The following ANKDD1B variants were observed in gnomAD, a reference collection of about 807,000 sequenced individuals.
ANKDD1B encodes ankyrin repeat and death domain-containing protein 1B.
In ANKDD1B, 57 loss-of-function variants were observed where a neutral mutation model predicts 59.7. The ratio of observed to expected loss-of-function variants is 0.95; its 90% CI spans 0.77 to 1.19. The LOEUF is 1.19. Among genes scored for constraint, ANKDD1B ranks in the 50% most tolerant of loss-of-function variants. The pLI is 0.00. For synonymous variants in ANKDD1B, 216 were observed against 239.5 expected (o/e 0.90, Z 0.91); for missense variants, 602 against 641.9 (o/e 0.94, Z 0.67).
At chr5:75,665,185 A>C (rs1006968770) in intron 11 of ANKDD1B, among the ~76,000 whole-genome samples, 3 of 152,194 alleles carry the variant, frequency 2.0e-5, no homozygotes, top group African/African-American at 7.2e-5. Flanking sequence ...CAAATAGTTC[A>C]GTGTTTTGGC....
intron 11 of ANKDD1B, 27 bp from the exon 12 acceptor site, chr5:75,666,765 C>T: frequency 1.4e-6 from 2 of 1,475,396 alleles, no homozygotes; most frequent in African/African-American, 1.4e-5. Flanking sequence ...TGTCTGAAAT[C>T]TTCTGATACA....
chr5:75,642,180 A>C (rs1320697351), intron 7 of ANKDD1B, among the ~76,000 whole-genome samples: 1 of 152,206 alleles, frequency 6.6e-6, no homozygotes, highest in Admixed American at 6.5e-5. Flanking sequence ...TTCCCACTGA[A>C]GTTGCAAGGT....
At chr5:75,617,041 C>G in intron 2 of ANKDD1B, 134 bp downstream of exon 2, 2 of 504,108 alleles carry the variant, frequency 4.0e-6, no homozygotes, top group South Asian at 6.8e-5. Flanking sequence ...TGTTGGTAAT[C>G]CCGGGGTGTT....
intron 5 of ANKDD1B, among the ~76,000 whole-genome samples, chr5:75,626,787 T>C (rs1774007025): frequency 1.3e-5 from 2 of 148,780 alleles, no homozygotes; most frequent in Non-Finnish European, 3.0e-5. Flanking sequence ...GCCTTGTTTT[T>C]TTTTTTTGTT....
intron 9 of ANKDD1B, among the ~76,000 whole-genome samples, chr5:75,658,064 AG>A (rs976289276): frequency 2.4e-4 from 37 of 151,594 alleles, no homozygotes; most frequent in African/African-American, 8.7e-4. Context: ...AAAAAAAATT[AG>A]TAGAGCCTGT....
At chr5:75,664,400 A>G (rs1265167328) in intron 11 of ANKDD1B, among the ~76,000 whole-genome samples, 1 of 152,214 alleles carries the variant, frequency 6.6e-6, no homozygotes, top group African/African-American at 2.4e-5. Flanking sequence ...TGCCTGTAAA[A>G]CAAAACAAAA....
intron 1 of ANKDD1B, among the ~76,000 whole-genome samples, chr5:75,615,554 C>T (rs1017287483): frequency 6.6e-6 from 1 of 152,078 alleles, no homozygotes; most frequent in Admixed American, 6.5e-5. Flanking sequence ...TATTTTCTCA[C>T]AGTTCTGGAG....
At chr5:75,642,031 A>T (rs1334428851) in intron 7 of ANKDD1B, among the ~76,000 whole-genome samples, 1 of 152,222 alleles carries the variant, frequency 6.6e-6, no homozygotes, top group Non-Finnish European at 1.5e-5. Context: ...AAATACTAAA[A>T]ATATGTTGCA....
At chr5:75,657,549 T>C (rs2112010139) in intron 9 of ANKDD1B, among the ~76,000 whole-genome samples, 1 of 152,280 alleles carries the variant, frequency 6.6e-6, no homozygotes, top group East Asian at 1.9e-4. Flanking sequence ...GGTTTGTCAG[T>C]ATAAGTGTAA....
At chr5:75,668,002 A>T (rs1373281109) in intron 12 of ANKDD1B, among the ~76,000 whole-genome samples, 2 of 152,162 alleles carry the variant, frequency 1.3e-5, no homozygotes, top group East Asian at 1.9e-4. Context: ...AACTAGAAAA[A>T]TTTTTTTATT....
At chr5:75,620,856 T>C (rs1186643973) in intron 3 of ANKDD1B, among the ~76,000 whole-genome samples, 2 of 152,134 alleles carry the variant, frequency 1.3e-5, no homozygotes, top group African/African-American at 2.4e-5. Flanking sequence ...TCAGGCTCCA[T>C]CGTCTCCATG....
In ANKDD1B at chr5:75,611,535, G is replaced by T. The variant is rs1260139606; in HGVS notation, c.-100G>T. On this transcript the variant is annotated 5_prime_UTR_variant, in exon 1 of 14. Coordinates refer to ENST00000601380, the MANE Select transcript of ANKDD1B (RefSeq NM_001276713.2). Reference sequence around the variant, plus strand: ...TGACCTGCCTGCGTCCAGCCCCCGCGCCCTGGGCCTGCCTGGGTCTGGATC... The same window carrying T: ...TGACCTGCCTGCGTCCAGCCCCCGCTCCCTGGGCCTGCCTGGGTCTGGATC... 6 of 1,007,872 alleles carry T rather than the reference G, an allele frequency of 6.0e-6. No individual in the cohort carries two copies. The African/African-American group carries it at 8.4e-5, about 14-fold the overall frequency. 62.4% of individuals were successfully genotyped at this position (1,007,872 alleles called of 1,614,324 possible). A position where few individuals can be genotyped will look rare whatever the true frequency, so the allele number is the denominator to read the frequency against.
At position 75,660,986 on chromosome 5, in the gene ANKDD1B, C is replaced by T. The variant is rs771916100; in HGVS notation, c.1095+1605C>T. 9.8e-4 allele frequency among the ~76,000 whole-genome samples: 149 copies of T among 152,110 alleles called. 1 individual carries two copies. The highest frequency in any genetic ancestry group is 1.5e-3 in the Non-Finnish European group (104 of 68,032). On this transcript the variant is annotated intron_variant, in intron 10 of 13. Transcript: ENST00000601380. ...AGCCTGAGTCCACCCTACTCTAGTTCAGAATCATCCATTTTACATGTGTAG... is the reference window on the plus strand; with the variant it reads ...AGCCTGAGTCCACCCTACTCTAGTTTAGAATCATCCATTTTACATGTGTAG...
chr5:75,667,427 G>A (rs998594263), intron 12 of ANKDD1B, among the ~76,000 whole-genome samples: 5 of 152,144 alleles, frequency 3.3e-5, no homozygotes, highest in African/African-American at 1.2e-4. Context: ...TTAAGTCTGC[G>A]CTCCAGAAAG....
At chr5:75,613,319 T>C (rs1169687341) in intron 1 of ANKDD1B, among the ~76,000 whole-genome samples, 1 of 152,140 alleles carries the variant, frequency 6.6e-6, no homozygotes, top group Non-Finnish European at 1.5e-5. Flanking sequence ...TCAGTATTTT[T>C]TGAGGGGAGT....
chr5:75,637,240 CAAAAAAAAAAAAAAAAAAAAAAAAAAAAA>C (rs55640131), intron 7 of ANKDD1B, among the ~76,000 whole-genome samples: 1 of 69,956 alleles, frequency 1.4e-5, no homozygotes, highest in Non-Finnish European at 2.5e-5. Flanking sequence ...GACTCTGTCT[CAAAAAAAAAAAAAAAAAAAAAAAAAAAAA>C]AAAAGAAAGA....
intron 8 of ANKDD1B, among the ~76,000 whole-genome samples, chr5:75,653,467 C>A (rs763634753): frequency 3.3e-5 from 5 of 152,138 alleles, no homozygotes; most frequent in African/African-American, 4.8e-5. Context: ...AAAATGAAAT[C>A]TTTGTGTTTT....
intron 5 of ANKDD1B, among the ~76,000 whole-genome samples, chr5:75,632,755 AC>A (rs1774200111): frequency 6.6e-6 from 1 of 152,134 alleles, no homozygotes; most frequent in Non-Finnish European, 1.5e-5. Context: ...TGAGTTATGT[AC>A]CCCCATATAT....
At chr5:75,617,040 T>TC (rs910599926) in intron 2 of ANKDD1B, 133 bp downstream of exon 2, 11 of 505,218 alleles carry the variant, frequency 2.2e-5, no homozygotes, top group African/African-American at 2.1e-4. Context: ...TTGTTGGTAA[T>TC]CCCGGGGTGT....
Sources: allele counts gnomAD v4.1 joint callset (sites outside exome capture counted in the v4.1 genomes callset), GRCh38; gene constraint gnomAD v4.1.1; transcripts MANE v1.5; gene names NCBI Gene and HGNC (gene_info 2026-07-23, HGNC 2026-07-21).